The following FLNB variants were observed in gnomAD, a reference collection of about 807,000 sequenced individuals.
FLNB encodes the protein filamin B.
FLNB carries 111 observed loss-of-function variants against 250.6 expected under a neutral mutation model. The observed-to-expected ratio is 0.44, with a 90% CI of 0.38 to 0.52. The LOEUF (loss-of-function observed/expected upper bound fraction) is 0.52, where lower values mean the gene tolerates loss of function less well. FLNB is among the 20% of genes least tolerant of loss of function. The probability of loss-of-function intolerance (pLI) is 0.00; values close to 1 mark genes in which losing one functional copy is unlikely to be tolerated. For missense variants in FLNB, 2,869 were observed against 3,447.8 expected (o/e 0.83, Z 4.20); for synonymous variants, 1,302 against 1,372.1 (o/e 0.95, Z 1.13).
chr3:58,051,709 T>G (rs1334459516), intron 1 of FLNB, among the ~76,000 whole-genome samples: 1 of 151,692 alleles, frequency 6.6e-6, no homozygotes, highest in Admixed American at 6.6e-5. Flanking sequence ...CTTTTTGATG[T>G]GTAGCCAGGG....
chr3:58,048,863 G>T (rs78068601), intron 1 of FLNB, among the ~76,000 whole-genome samples: 4,901 of 152,228 alleles, frequency 0.032, 256 homozygotes, highest in African/African-American at 0.11. Context: ...ACTAGTGACT[G>T]GTAACTCTCA....
intron 1 of FLNB, among the ~76,000 whole-genome samples, chr3:58,040,965 A>C (rs1237828227): frequency 6.6e-6 from 1 of 152,088 alleles, no homozygotes; most frequent in Non-Finnish European, 1.5e-5. Context: ...ACTTAATTAG[A>C]CTATTATTTG....
intron 12 of FLNB, 31 bp from the exon 13 acceptor site, chr3:58,108,426 AG>A (rs1367180358): frequency 1.4e-6 from 2 of 1,425,942 alleles, no homozygotes; most frequent in South Asian, 2.3e-5. Flanking sequence ...GGCATTACAC[AG>A]AAAGAGACTT....
At chr3:58,140,701 T>G (rs2097325425) in intron 29 of FLNB, among the ~76,000 whole-genome samples, 1 of 152,098 alleles carries the variant, frequency 6.6e-6, no homozygotes, top group East Asian at 1.9e-4. Flanking sequence ...CTCCACCTCC[T>G]GGGTTTAAGC....
intron 1 of FLNB, among the ~76,000 whole-genome samples, chr3:58,071,987 A>G (rs988049125): frequency 8.4e-6 from 1 of 118,466 alleles, no homozygotes; most frequent in African/African-American, 4.2e-5. Context: ...CATCCATTCT[A>G]GAATGCTCCT....
In FLNB at chr3:58,106,832, G is replaced by A. The variant is rs1274028248; in HGVS notation, c.1900G>A (p.Ala634Thr). 1.9e-6 allele frequency: 3 copies of A among 1,614,058 alleles called. No individual in the cohort carries two copies. In the African/African-American group the frequency reaches 4.0e-5, roughly 22 times the overall value. The change falls in exon 12 of 46, where the codon GCC becomes ACC. Residue 634 changes from alanine (A) to threonine (T), a missense_variant. Ala to Thr is a moderately conservative substitution (Grantham distance 58, BLOSUM62 0). Around this residue, in one of 5 missense-constraint regions of FLNB, gnomAD observed 1,348 missense variants for 1,466.7 expected, o/e 0.92. Transcript: ENST00000295956. ...DEDIKDSPYM[A>T]FIHPATGGYN... ...AGACATCAAGGACAGCCCGTACATG[G>A]CCTTCATCCACCCAGCCACGGGAGG...
intron 1 of FLNB, among the ~76,000 whole-genome samples, chr3:58,024,755 C>T (rs2097120772): frequency 7.9e-6 from 1 of 126,204 alleles, no homozygotes; most frequent in Non-Finnish European, 1.6e-5. Context: ...TGCTTTGTTG[C>T]CAGGCTGGAT....
chr3:58,056,158 G>A (rs955052438), intron 1 of FLNB, among the ~76,000 whole-genome samples: 2 of 150,254 alleles, frequency 1.3e-5, no homozygotes, highest in Non-Finnish European at 2.9e-5. Context: ...CTGAAGTGCA[G>A]TGGCATGATC....
chr3:58,023,511 G>A (rs997652154), intron 1 of FLNB, among the ~76,000 whole-genome samples: 2 of 152,182 alleles, frequency 1.3e-5, no homozygotes, highest in Admixed American at 1.3e-4. Flanking sequence ...GAATTTTAAT[G>A]AATCTTTTTC....
intron 1 of FLNB, among the ~76,000 whole-genome samples, chr3:58,028,816 A>G (rs1303613433): frequency 6.6e-6 from 1 of 151,398 alleles, no homozygotes; most frequent in Non-Finnish European, 1.5e-5. Context: ...GGATTTCACC[A>G]TGTCGATCAG....
intron 38 of FLNB, chr3:58,152,988 T>C (rs1286141711): frequency 3.0e-6 from 1 of 336,058 alleles, no homozygotes; most frequent in Admixed American, 4.0e-5. Context: ...CCCTCTGCCA[T>C]TGGGACTTAC....
In FLNB at chr3:58,100,373, A is replaced by ATATATATATATATATATATATATATAT. The variant is rs1553696152; in HGVS notation, c.1345+1465_1345+1466insTATATATATATATATATATATATATAT. 2.9e-3 allele frequency among the ~76,000 whole-genome samples: 305 copies of ATATATATATATATATATATATATATAT among 104,314 alleles called. 2 individuals carry two copies. Among genetic ancestry groups the ATATATATATATATATATATATATATAT allele is most frequent in the Non-Finnish European group, 4.1e-3 (230 of 55,994 alleles). 68.4% of individuals were successfully genotyped at this position (104,314 alleles called of 152,430 possible). On this transcript the variant is annotated intron_variant, in intron 8 of 45. Transcript: ENST00000295956. Reference sequence around the variant, plus strand: ...AATGATTTTACATATGTAAAAAAAAAATATATATATATTTGCAGGGGCGCG... The same window carrying ATATATATATATATATATATATATATAT: ...AATGATTTTACATATGTAAAAAAAAATATATATATATATATATATATATATATATATATATATATTTGCAGGGGCGCG...
At chr3:58,078,696 T>G (rs768025435) in intron 2 of FLNB, 21 bp from the exon 3 acceptor site, 1 of 1,603,398 alleles carries the variant, frequency 6.2e-7, no homozygotes, top group Non-Finnish European at 8.5e-7. Flanking sequence ...GCTAAAAGAA[T>G]CTTTTGTGTT....
At chr3:58,102,178 A>C (rs373698114) in intron 8 of FLNB, 25 bp from the exon 9 acceptor site, 2 of 1,613,940 alleles carry the variant, frequency 1.2e-6, no homozygotes, top group African/African-American at 2.7e-5. Context: ...GAAAGATTGA[A>C]TTGATGTCAA....
intron 1 of FLNB, among the ~76,000 whole-genome samples, chr3:58,051,815 G>A (rs758089109): frequency 3.3e-5 from 5 of 152,066 alleles, no homozygotes; most frequent in Non-Finnish European, 5.9e-5. Context: ...TCATATCCCC[G>A]GCATTAGCAC....
At position 58,105,165 on chromosome 3, in the gene FLNB, C is replaced by A. The variant is rs778577280; in HGVS notation, c.1696C>A (p.Arg566=). The A allele has an allele frequency of 6.2e-7, 1 of 1,614,176 alleles. No homozygotes were observed. Among genetic ancestry groups the A allele is most frequent in the East Asian group, 2.2e-5 (1 of 44,884 alleles). Residue 566 remains arginine, a synonymous_variant, in exon 11 of 46, where the codon CGG becomes AGG. Transcript: ENST00000295956. ...TGGGCTCCATGGTGGGATTGTCGGG[C>A]GGTCAGCGGACTTCGTGGTAGAATC... ...GPGLHGGIVG[R]SADFVVESIG...
At chr3:58,021,621 T>A (rs965487110) in intron 1 of FLNB, among the ~76,000 whole-genome samples, 3 of 152,162 alleles carry the variant, frequency 2.0e-5, no homozygotes, top group Admixed American at 1.3e-4. Flanking sequence ...CAGGATGTGA[T>A]CCAGGTGTCA....
intron 1 of FLNB, among the ~76,000 whole-genome samples, chr3:58,018,962 C>CAAAA (rs34503609): frequency 6.7e-4 from 47 of 70,626 alleles, no homozygotes; most frequent in Admixed American, 8.9e-4. Context: ...CACATCTCTA[C>CAAAA]AAAAAAAAAA....
At chr3:58,021,185 G>T (rs574631633) in intron 1 of FLNB, among the ~76,000 whole-genome samples, 2 of 152,294 alleles carry the variant, frequency 1.3e-5, no homozygotes, top group South Asian at 4.2e-4. Flanking sequence ...CCGGCCTGGT[G>T]CTTCTTGCCC....
Sources: allele counts gnomAD v4.1 joint callset (sites outside exome capture counted in the v4.1 genomes callset), GRCh38; gene constraint gnomAD v4.1.1; regional missense constraint gnomAD v4.1.1; transcripts MANE v1.5; gene names NCBI Gene and HGNC (gene_info 2026-07-23, HGNC 2026-07-21).